The following SRRT variants were observed in gnomAD, a reference collection of about 807,000 sequenced individuals.
SRRT encodes the protein serrate, RNA effector molecule.
In SRRT, 32 loss-of-function variants were observed where a neutral mutation model predicts 103.2. The observed-to-expected ratio is 0.31, with a 90% confidence interval of 0.23 to 0.42. The LOEUF is 0.42. SRRT is among the 10% of genes least tolerant of loss of function. The pLI, the probability that SRRT is intolerant of heterozygous loss-of-function variation, is 1.00. For synonymous variants in SRRT, 525 were observed against 449.0 expected (o/e 1.17, Z -2.14); for missense variants, 986 against 1,207.5 (o/e 0.82, Z 2.72).
chr7:100,875,210 A>T lies in SRRT; in HGVS notation c.-137A>T. 3.9e-6 allele frequency: 1 copy of T among 259,170 alleles called. No homozygotes were observed. The highest frequency in any genetic ancestry group is 7.3e-6 in the Non-Finnish European group (1 of 137,794). The allele number at this position is 259,170 out of a possible 1,614,324, so 16.1% of individuals were successfully genotyped here. A position where few individuals can be genotyped will look rare whatever the true frequency, so the allele number is the denominator to read the frequency against. ...TTTGTTCGCCTCTCTTCGGCCCTCT[A>T]CTCAAGAGCTCCGTCTCCGTCTCGC... On this transcript the variant is annotated 5_prime_UTR_variant, in exon 1 of 20. Coordinates refer to ENST00000611405, the MANE Select transcript of SRRT (RefSeq NM_015908.6).
At position 100,887,955 on chromosome 7, in the gene SRRT, C is replaced by T. The variant is rs943557021; in HGVS notation, c.2327-87C>T. ...ACGTGTCACCCCGAGAAGTTTCTGCCCCATCCTCAGGCCATAGCCCTAGAA... is the reference window on the plus strand; with the variant it reads ...ACGTGTCACCCCGAGAAGTTTCTGCTCCATCCTCAGGCCATAGCCCTAGAA... On this transcript the variant is annotated intron_variant, in intron 17 of 19. Coordinates refer to ENST00000611405, the MANE Select transcript of SRRT (RefSeq NM_015908.6). The surrounding 1 kb of genome is among the most constrained non-coding windows in gnomAD (Gnocchi z 4.1). The T allele has an allele frequency of 2.0e-6, 3 of 1,538,260 alleles. No individual in the cohort carries two copies. The highest frequency in any genetic ancestry group is 2.6e-6 in the Non-Finnish European group (3 of 1,140,858).
chr7:100,887,225 C>G lies in SRRT; in HGVS notation c.1975+25C>G, dbSNP rs1790218198. ...GGTGAGCTCCAGGTTCCCCTTTGTT[C>G]CCGGCTGCCCCTGGCCTTGGTCCTC... On this transcript the variant is annotated intron_variant, in intron 15 of 19. Coordinates refer to ENST00000611405, the MANE Select transcript of SRRT (RefSeq NM_015908.6). This position sits in a 1 kb window ranked among gnomAD's most constrained non-coding sequence, Gnocchi z 4.1. The G allele has an allele frequency of 6.2e-7, 1 of 1,613,664 alleles. No homozygotes were observed. The highest frequency in any genetic ancestry group is 1.3e-5 in the African/African-American group (1 of 75,048).
intron 2 of SRRT, chr7:100,880,719 C>A (rs547317457): frequency 2.3e-4 from 100 of 435,944 alleles, no homozygotes; most frequent in African/African-American, 1.9e-3. Context: ...CTCTGTCACC[C>A]GGGCTGAGTG....
intron 7 of SRRT, 61 bp downstream of exon 7, chr7:100,884,613 G>A (rs1200078689): frequency 1.3e-6 from 2 of 1,521,730 alleles, no homozygotes; most frequent in African/African-American, 2.8e-5. Flanking sequence ...GGCGGGTAGG[G>A]GTCCATAGGA....
At position 100,885,616 on chromosome 7, in the gene SRRT, T is replaced by A. The variant is rs967172050; in HGVS notation, c.1318-85T>A. 17 of 1,421,320 alleles carry A rather than the reference T, an allele frequency of 1.2e-5. No individual in the cohort carries two copies. Among genetic ancestry groups the A allele is most frequent in the Middle Eastern group, 2.0e-4 (1 of 5,032 alleles). 88.0% of individuals were successfully genotyped at this position (1,421,320 alleles called of 1,614,324 possible). On this transcript the variant is annotated intron_variant, in intron 10 of 19. Coordinates refer to ENST00000611405, the MANE Select transcript of SRRT (RefSeq NM_015908.6). This position sits in a 1 kb window ranked among gnomAD's most constrained non-coding sequence, Gnocchi z 4.8. ...GAAGAGTGATAAGGCAGTTAGTCCC[T>A]AGGGTTCTGAGGGCAGTGGGGGATT... is the stretch of plus-strand genomic sequence containing the variant.
rs527748233 is a variant in SRRT, at chr7:100,882,010, C to T, written c.399-43C>T. The T allele has an allele frequency of 4.2e-5, 67 of 1,583,568 alleles. No individual in the cohort carries two copies. The Admixed American group carries it at 7.4e-4, about 17-fold the overall frequency. On this transcript the variant is annotated intron_variant, in intron 4 of 19. Coordinates refer to ENST00000611405, the MANE Select transcript of SRRT (RefSeq NM_015908.6). This position sits in a 1 kb window ranked among gnomAD's most constrained non-coding sequence, Gnocchi z 4.2. ...TACTTTGGCCCCTGTAGCCTCCCAC[C>T]GTTCCCCAAAAACCAAGCCTTCCTG... is the stretch of plus-strand genomic sequence containing the variant.
At position 100,887,167 on chromosome 7, in the gene SRRT, C is replaced by A. The variant is rs1360644390; in HGVS notation, c.1942C>A (p.Pro648Thr). 6.2e-7 allele frequency: 1 copy of A among 1,614,208 alleles called. No individual in the cohort carries two copies. Among genetic ancestry groups the A allele is most frequent in the East Asian group, 2.2e-5 (1 of 44,886 alleles). Reference protein sequence around the residue: ...NRCGIIHVRGPMPPNRISHGE... With the variant: ...NRCGIIHVRGTMPPNRISHGE... ...CTGTGGGATCATCCACGTTCGGGGG[C>A]CCATGCCACCCAACCGCATCAGTCA... The change falls in exon 15 of 20, where the codon CCC (proline) becomes ACC (threonine). Residue 648 changes from proline to threonine, a missense_variant. Physicochemically the swap from Pro to Thr is conservative, Grantham distance 38. Transcript: ENST00000611405. The surrounding 1 kb of genome is among the most constrained non-coding windows in gnomAD (Gnocchi z 4.1).
chr7:100,882,348 T>G lies in SRRT; in HGVS notation c.587+107T>G. The G allele has an allele frequency of 7.6e-7, 1 of 1,313,086 alleles. No homozygotes were observed. The highest frequency in any genetic ancestry group is 2.5e-5 in the East Asian group (1 of 40,236). 81.3% of individuals were successfully genotyped at this position (1,313,086 alleles called of 1,614,324 possible). On this transcript the variant is annotated intron_variant, in intron 5 of 19. Transcript: ENST00000611405. This position sits in a 1 kb window ranked among gnomAD's most constrained non-coding sequence, Gnocchi z 4.2. Reference sequence around the variant, plus strand: ...CCAGTTTTCCCTGTCCAGAACTTTCTGGGGGCGGGGGTCGGGAAGTATGAC... The same window carrying G: ...CCAGTTTTCCCTGTCCAGAACTTTCGGGGGGCGGGGGTCGGGAAGTATGAC...
At chr7:100,886,001 C>T (rs910008228) in intron 12 of SRRT, 60 bp downstream of exon 12, 11 of 1,542,472 alleles carry the variant, frequency 7.1e-6, no homozygotes, top group Non-Finnish European at 9.8e-6. Context: ...CACACGGGAC[C>T]TCTGTGTGAC....
chr7:100,888,390 A>C lies in SRRT; in HGVS notation c.2555+7A>C. 6.2e-7 allele frequency: 1 copy of C among 1,613,664 alleles called. No homozygotes were observed. The highest frequency in any genetic ancestry group is 8.5e-7 in the Non-Finnish European group (1 of 1,179,714). On this transcript the variant is annotated splice_region_variant and intron_variant, in intron 19 of 19. Transcript: ENST00000611405. ...CTGGGAAACCTCGCAACAGGTGAGG[A>C]GGGCAGACGCCCAAGCTTTGTTGCC...
intron 5 of SRRT, among the ~76,000 whole-genome samples, chr7:100,883,754 T>A (rs1193183572): frequency 6.6e-6 from 1 of 152,192 alleles, no homozygotes; most frequent in Non-Finnish European, 1.5e-5. Flanking sequence ...TTTTACTACG[T>A]TAGTGTTTCC....
Position 100,882,148 on chromosome 7 carries a change from A to C in SRRT, c.494A>C (p.Glu165Ala). ...CTCTCCCTGGATGACTCGGTGGATG[A>C]GACGGAGGCCGTCAAGCGCTATAAT... ...FLLSLDDSVD[E>A]TEAVKRYNDY... The change falls in exon 5 of 20, where the codon GAG (glutamate) becomes GCG (alanine). Residue 165 changes from glutamate (E) to alanine (A), a missense_variant. Physicochemically the swap from Glu to Ala is moderately radical, Grantham distance 107. Coordinates refer to ENST00000611405, the MANE Select transcript of SRRT (RefSeq NM_015908.6). The surrounding 1 kb of genome is among the most constrained non-coding windows in gnomAD (Gnocchi z 4.2). 1 of 1,614,144 alleles carries C rather than the reference A, an allele frequency of 6.2e-7. No homozygotes were observed. Among genetic ancestry groups the C allele is most frequent in the South Asian group, 1.1e-5 (1 of 91,074 alleles).
chr7:100,877,851 TA>T (rs1481271531), intron 2 of SRRT, among the ~76,000 whole-genome samples: 4 of 152,186 alleles, frequency 2.6e-5, no homozygotes, highest in African/African-American at 9.7e-5. Context: ...TGAGCTGAAC[TA>T]ACAGCTTTTT....
chr7:100,886,023 G>C, intron 12 of SRRT, 82 bp downstream of exon 12: 7 of 1,514,606 alleles, frequency 4.6e-6, no homozygotes, highest in Admixed American at 3.4e-5. Context: ...TTGTTCATCT[G>C]ATAGTTTGGT....
At position 100,884,395 on chromosome 7, in the gene SRRT, A is replaced by AGAATGATC; in HGVS notation, c.786_793dup (p.Leu265ArgfsTer34). The stretch of plus-strand genomic sequence containing the variant: ...GTGATTAAGATGGAAGGAGGCACGG[A>AGAATGATC]GAATGATCTTCGCATCCTGGAGCAG... On this transcript the variant is annotated frameshift_variant, in exon 7 of 20. Coordinates refer to ENST00000611405, the MANE Select transcript of SRRT (RefSeq NM_015908.6). LOFTEE classifies it high-confidence loss of function. 1 of 1,613,700 alleles carries AGAATGATC rather than the reference A, an allele frequency of 6.2e-7. No individual in the cohort carries two copies.
chr7:100,877,756 C>T (rs1815886525), intron 2 of SRRT, among the ~76,000 whole-genome samples: 1 of 151,972 alleles, frequency 6.6e-6, no homozygotes, highest in Non-Finnish European at 1.5e-5. Context: ...CCTGACCTCA[C>T]ATATCCACCT....
chr7:100,880,551 C>T (rs542028056), intron 2 of SRRT: 22 of 211,910 alleles, frequency 1.0e-4, no homozygotes, highest in Admixed American at 8.7e-4. Context: ...GTGATCCGCC[C>T]GCCTCGGCCT....
Position 100,885,341 on chromosome 7 carries a change from C to T in SRRT, c.1288C>T (p.Pro430Ser), listed in dbSNP as rs1417283728. ...TCSLFMRNIA[P>S]NISRAEIISL... is the part of the protein sequence containing the mutation. ...CTCCCTCTTCATGCGCAACATCGCGCCCAACATCTCCCGGGCCGAGATCAT... is the reference window on the plus strand; with the variant it reads ...CTCCCTCTTCATGCGCAACATCGCGTCCAACATCTCCCGGGCCGAGATCAT... Residue 430 changes from proline (P) to serine (S), a missense_variant, in exon 10 of 20, where the codon CCC (proline) becomes TCC (serine). Physicochemically the swap from Pro to Ser is moderately conservative, Grantham distance 74. Around this residue, in one of 6 missense-constraint regions of SRRT, gnomAD observed 349 missense variants for 446.9 expected, o/e 0.78. Coordinates refer to ENST00000611405, the MANE Select transcript of SRRT (RefSeq NM_015908.6). The surrounding 1 kb of genome is among the most constrained non-coding windows in gnomAD (Gnocchi z 4.8). 4.3e-6 allele frequency: 7 copies of T among 1,613,786 alleles called. No individual in the cohort carries two copies. The African/African-American group carries it at 5.3e-5, about 12-fold the overall frequency.
rs1385185968 is a variant in SRRT at position 100,886,443 on chromosome 7, A to T, written c.1647+8A>T. On this transcript the variant is annotated splice_region_variant and intron_variant, in intron 13 of 19. Transcript: ENST00000611405. ...ACGCCTCCCCTGCCCACGGTCAGTG[A>T]CTCCCCAAAGGACTTTGTCAGAAGC... The T allele has an allele frequency of 1.2e-6, 2 of 1,607,266 alleles. No homozygotes were observed. Among genetic ancestry groups the T allele is most frequent in the Admixed American group, 3.4e-5 (2 of 59,430 alleles).
Sources: allele counts gnomAD v4.1 joint callset (sites outside exome capture counted in the v4.1 genomes callset), GRCh38; gene constraint gnomAD v4.1.1; regional missense constraint gnomAD v4.1.1; non-coding constraint Gnocchi (gnomAD v3.1); transcripts MANE v1.5; gene names NCBI Gene and HGNC (gene_info 2026-07-23, HGNC 2026-07-21).